Variants in UQCC1 observed in about 807,000 individuals in gnomAD.
UQCC1 encodes the protein bFGF-repressed Zic-binding protein.
Under a neutral mutation model 48.0 loss-of-function variants are expected in UQCC1, and 38 were observed. The observed-to-expected ratio is 0.79, with a 90% CI of 0.61 to 1.04. The LOEUF (loss-of-function observed/expected upper bound fraction) is 1.04. Ranked by LOEUF, UQCC1 falls within the 50% of genes least tolerant of loss-of-function variation. The probability of loss-of-function intolerance (pLI) is 0.00; values close to 1 mark genes in which losing one functional copy is unlikely to be tolerated. For missense variants in UQCC1, 368 were observed against 381.8 expected (o/e 0.96, Z 0.30); for synonymous variants, 111 against 129.2 (o/e 0.86, Z 0.95).
chr20:35,388,431 A>G (rs1408495460), intron 2 of UQCC1, among the ~76,000 whole-genome samples: 1 of 151,106 alleles, frequency 6.6e-6, no homozygotes, highest in Non-Finnish European at 1.5e-5. Flanking sequence ...ACCTGGGAAC[A>G]CAGAGATCCA....
chr20:35,379,480 C>G (rs890418347), intron 4 of UQCC1, among the ~76,000 whole-genome samples: 1 of 152,140 alleles, frequency 6.6e-6, no homozygotes, highest in African/African-American at 2.4e-5. Flanking sequence ...GAATGTCATA[C>G]GTTGATATTG....
intron 8 of UQCC1, among the ~76,000 whole-genome samples, chr20:35,313,944 G>C (rs569728785): frequency 1.0e-3 from 152 of 151,622 alleles, no homozygotes; most frequent in African/African-American, 3.5e-3. Context: ...CTTATGTACA[G>C]CTTTACAAAC....
chr20:35,306,999 G>T, intron 8 of UQCC1: 1 of 564,722 alleles, frequency 1.8e-6, no homozygotes, highest in Non-Finnish European at 3.3e-6. Flanking sequence ...GGAGAACAGG[G>T]GGTCCAGAGG....
chr20:35,403,587 T>C lies in UQCC1; in HGVS notation c.24+8353A>G, dbSNP rs190333658. Among the ~76,000 whole-genome samples, 1,493 of 152,316 alleles carry C rather than the reference T, an allele frequency of 9.8e-3. 67 individuals are homozygous for C. Among genetic ancestry groups the C allele is most frequent in the Admixed American group, 0.069 (1,055 of 15,288 alleles). On this transcript the variant is annotated intron_variant, in intron 1 of 9. Coordinates refer to ENST00000374385, the MANE Select transcript of UQCC1 (RefSeq NM_018244.5). ...TATATGCCCGAAGGATTATAAATCA[T>C]GCTGCTATAAAGACACACACACACG...
chr20:35,410,725 C>CAAAAAAAAAACAAAA lies in UQCC1; in HGVS notation c.24+1214_24+1215insTTTTGTTTTTTTTTT, dbSNP rs1427834637. On this transcript the variant is annotated intron_variant, in intron 1 of 9. Transcript: ENST00000374385. The stretch of plus-strand genomic sequence containing the variant: ...GCCTCAAAAAAAAAAAAAAAAAAAA[C>CAAAAAAAAAACAAAA]AAAACCCTAAAGGGTGGCAGGGGAA... Among the ~76,000 whole-genome samples, 28 of 22,384 alleles carry CAAAAAAAAAACAAAA rather than the reference C, an allele frequency of 1.3e-3. 1 individual carries two copies. The highest frequency in any genetic ancestry group is 4.5e-3 in the African/African-American group (27 of 6,000). 14.7% of individuals were successfully genotyped at this position (22,384 alleles called of 152,430 possible).
chr20:35,356,855 G>GAA (rs979727420), intron 6 of UQCC1, among the ~76,000 whole-genome samples: 1 of 150,134 alleles, frequency 6.7e-6, no homozygotes, highest in African/African-American at 2.4e-5. Context: ...AGCACATCAG[G>GAA]AAAAAAAAAG....
intron 4 of UQCC1, among the ~76,000 whole-genome samples, chr20:35,374,787 T>G (rs998499080): frequency 6.6e-6 from 1 of 152,132 alleles, no homozygotes; most frequent in African/African-American, 2.4e-5. Context: ...TGTCTGTAAA[T>G]AAGGGTTTCT....
chr20:35,369,918 C>G (rs1257239699), intron 5 of UQCC1, among the ~76,000 whole-genome samples: 3 of 152,170 alleles, frequency 2.0e-5, no homozygotes, highest in Admixed American at 2.0e-4. Flanking sequence ...CCTCCAGTCT[C>G]TTAAGGGTTA....
intron 1 of UQCC1, among the ~76,000 whole-genome samples, chr20:35,406,160 T>G (rs1291227225): frequency 6.6e-6 from 1 of 152,078 alleles, no homozygotes; most frequent in African/African-American, 2.4e-5. Context: ...ATATGTATAA[T>G]TAGAGTCTCA....
chr20:35,312,394 T>G (rs1257723914), intron 8 of UQCC1, among the ~76,000 whole-genome samples: 2 of 152,166 alleles, frequency 1.3e-5, no homozygotes, highest in African/African-American at 4.8e-5. Context: ...GTTTCTTAAC[T>G]TTTGTCCTTT....
Position 35,314,699 on chromosome 20 carries a change from C to T in UQCC1, c.640G>A (p.Gly214Arg). ...MTNHFYAAIL[G>R]YDEGILSDDH... Reference sequence around the variant, plus strand: ...GCAAACAATCTTACCTCATCATATCCCAAGATCGCTGCATAGAAATGATTT... The same window carrying T: ...GCAAACAATCTTACCTCATCATATCTCAAGATCGCTGCATAGAAATGATTT... Residue 214 changes from glycine (G) to arginine (R), a missense_variant, in exon 8 of 10, where the codon GGA becomes AGA. Physicochemically the swap from Gly to Arg is moderately radical, Grantham distance 125 (BLOSUM62 -2). Coordinates refer to ENST00000374385, the MANE Select transcript of UQCC1 (RefSeq NM_018244.5). 6.2e-7 allele frequency: 1 copy of T among 1,607,650 alleles called. No individual in the cohort carries two copies. Among genetic ancestry groups the T allele is most frequent in the Non-Finnish European group, 8.5e-7 (1 of 1,175,226 alleles).
At chr20:35,391,832 C>T (rs1208555512) in intron 2 of UQCC1, among the ~76,000 whole-genome samples, 1 of 151,914 alleles carries the variant, frequency 6.6e-6, no homozygotes, top group Non-Finnish European at 1.5e-5. Context: ...AAGAGGTTAA[C>T]ATTAGGGGAA....
chr20:35,392,332 G>T, intron 2 of UQCC1: 1 of 1,276,426 alleles, frequency 7.8e-7, no homozygotes, highest in Non-Finnish European at 1.0e-6. Flanking sequence ...AAAAGGTCCA[G>T]TTGATTTACA....
chr20:35,411,065 C>A (rs944722959), intron 1 of UQCC1, among the ~76,000 whole-genome samples: 4 of 152,106 alleles, frequency 2.6e-5, no homozygotes, highest in Non-Finnish European at 2.9e-5. Context: ...CAGGAATAGA[C>A]CATGTCTACT....
chr20:35,358,212 G>C lies in UQCC1; in HGVS notation c.464+8345C>G, dbSNP rs1476574946. Among the ~76,000 whole-genome samples the C allele has an allele frequency of 2.0e-5, 3 of 151,682 alleles. No homozygotes were observed. The East Asian group carries it at 5.8e-4, about 29-fold the overall frequency. On this transcript the variant is annotated intron_variant, in intron 6 of 9. Transcript: ENST00000374385. The stretch of plus-strand genomic sequence containing the variant: ...CTACTAAAAATACAAAAATTAGCTG[G>C]GCATGGTGGCAGGTGCCTGTGGTCC...
intron 8 of UQCC1, chr20:35,309,187 C>A (rs1424001213): frequency 6.6e-6 from 3 of 455,914 alleles, no homozygotes; most frequent in Non-Finnish European, 1.3e-5. Flanking sequence ...ATACCCAGCA[C>A]TTTGGGAGTC....
intron 2 of UQCC1, among the ~76,000 whole-genome samples, chr20:35,391,185 C>T (rs1207036190): frequency 6.6e-6 from 1 of 151,258 alleles, no homozygotes; most frequent in Non-Finnish European, 1.5e-5. Context: ...CAGAGCAAGA[C>T]TCTGTCTCAA....
chr20:35,332,064 C>T (rs2061264094), intron 7 of UQCC1, among the ~76,000 whole-genome samples: 1 of 152,230 alleles, frequency 6.6e-6, no homozygotes, highest in Non-Finnish European at 1.5e-5. Flanking sequence ...CTATGTCTGT[C>T]TGGCTCCAAA....
chr20:35,353,603 T>C (rs1330703482), intron 6 of UQCC1, among the ~76,000 whole-genome samples: 1 of 151,672 alleles, frequency 6.6e-6, no homozygotes, highest in Non-Finnish European at 1.5e-5. Flanking sequence ...CCAACCAAGG[T>C]AACAAAGTAA....
Sources: allele counts gnomAD v4.1 joint callset (sites outside exome capture counted in the v4.1 genomes callset), GRCh38; gene constraint gnomAD v4.1.1; transcripts MANE v1.5; gene names NCBI Gene and HGNC (gene_info 2026-07-23, HGNC 2026-07-21).